Variants in GMDS observed in about 807,000 individuals in gnomAD.
GMDS encodes the protein GDP-mannose 4,6 dehydratase.
In GMDS, 20 loss-of-function variants were observed where a neutral mutation model predicts 49.9. The ratio of observed to expected loss-of-function variants is 0.40; its 90% confidence interval spans 0.28 to 0.58. The LOEUF (loss-of-function observed/expected upper bound fraction) is 0.58. Ranked by LOEUF, GMDS falls within the 20% of genes least tolerant of loss-of-function variation. The pLI, the probability that GMDS is intolerant of heterozygous loss-of-function variation, is 0.42. For synonymous variants in GMDS, 177 were observed against 178.6 expected, an observed-to-expected ratio of 0.99 and a Z score of 0.07; for missense variants, 362 against 481.4, an observed-to-expected ratio of 0.75 and a Z score of 2.32.
intron 7 of GMDS, among the ~76,000 whole-genome samples, chr6:1,924,581 C>T (rs1233525144): frequency 6.6e-6 from 1 of 152,192 alleles, no homozygotes. Context: ...AGTTGTGTTT[C>T]ACATATTTAT....
chr6:2,093,452 A>G (rs1773430072), intron 4 of GMDS, among the ~76,000 whole-genome samples: 1 of 152,206 alleles, frequency 6.6e-6, no homozygotes, highest in Non-Finnish European at 1.5e-5. Flanking sequence ...GATTCAACTT[A>G]ATCCCCTAAA....
At chr6:2,010,497 C>T (rs1767495244) in intron 4 of GMDS, among the ~76,000 whole-genome samples, 1 of 151,984 alleles carries the variant, frequency 6.6e-6, no homozygotes, top group South Asian at 2.1e-4. Flanking sequence ...AGAATCTAAT[C>T]TAAAAAGAGT....
intron 1 of GMDS, among the ~76,000 whole-genome samples, chr6:2,220,530 A>G (rs947394631): frequency 6.6e-6 from 1 of 152,254 alleles, no homozygotes; most frequent in Non-Finnish European, 1.5e-5. Context: ...TGGGGATGCC[A>G]GACAACTACA....
rs571490781 is a variant in GMDS at position 1,839,057 on chromosome 6, T to A, written c.771+91046A>T. 7.2e-5 allele frequency among the ~76,000 whole-genome samples: 11 copies of A among 152,302 alleles called. No individual in the cohort carries two copies. The South Asian group carries it at 2.3e-3, about 32-fold the overall frequency. ...AGCCGACATTTTTCTGCCTTCAATTTGCTGCTCTGGTTTGAAAATCCAATT... is the reference window on the plus strand; with the variant it reads ...AGCCGACATTTTTCTGCCTTCAATTAGCTGCTCTGGTTTGAAAATCCAATT... On this transcript the variant is annotated intron_variant, in intron 7 of 10. Coordinates refer to ENST00000380815, the MANE Select transcript of GMDS (RefSeq NM_001500.4).
At chr6:1,929,287 A>G (rs1218262361) in intron 7 of GMDS, among the ~76,000 whole-genome samples, 1 of 152,232 alleles carries the variant, frequency 6.6e-6, no homozygotes, top group East Asian at 1.9e-4. Flanking sequence ...AGCACAGGAA[A>G]TCTGTGAGCA....
intron 4 of GMDS, among the ~76,000 whole-genome samples, chr6:1,976,251 T>C (rs1764895510): frequency 6.6e-6 from 1 of 152,210 alleles, no homozygotes. Flanking sequence ...AACTGACCAA[T>C]ATTTGAAGAA....
At chr6:1,938,869 C>T (rs1303376774) in intron 6 of GMDS, among the ~76,000 whole-genome samples, 1 of 151,336 alleles carries the variant, frequency 6.6e-6, no homozygotes, top group African/African-American at 2.4e-5. Context: ...GGTTAATTTC[C>T]GTATAGCCAT....
intron 7 of GMDS, among the ~76,000 whole-genome samples, chr6:1,884,216 A>T (rs1759495552): frequency 1.3e-5 from 2 of 152,254 alleles, no homozygotes; most frequent in Non-Finnish European, 2.9e-5. Context: ...ACCATTCATT[A>T]AACTTATACA....
intron 7 of GMDS, among the ~76,000 whole-genome samples, chr6:1,896,390 G>C (rs989891193): frequency 6.6e-6 from 1 of 152,190 alleles, no homozygotes; most frequent in African/African-American, 2.4e-5. Context: ...CAAACAAGTG[G>C]TGAGAATAAC....
chr6:1,676,636 C>T (rs1222660009), intron 9 of GMDS, among the ~76,000 whole-genome samples: 1 of 152,186 alleles, frequency 6.6e-6, no homozygotes, highest in Non-Finnish European at 1.5e-5. Flanking sequence ...CACACATCTA[C>T]AACCATCTGA....
At chr6:1,816,078 G>A (rs1456387291) in intron 7 of GMDS, among the ~76,000 whole-genome samples, 4 of 152,226 alleles carry the variant, frequency 2.6e-5, no homozygotes, top group African/African-American at 4.8e-5. Context: ...CAGTGAGGGC[G>A]CTGAGCCAAG....
chr6:1,680,512 T>A (rs899895687), intron 9 of GMDS, among the ~76,000 whole-genome samples: 1 of 145,378 alleles, frequency 6.9e-6, no homozygotes, highest in African/African-American at 2.5e-5. Context: ...CAGGTGTTAG[T>A]TCTGATCCGG....
chr6:1,996,368 T>C (rs1197530251), intron 4 of GMDS, among the ~76,000 whole-genome samples: 1 of 152,160 alleles, frequency 6.6e-6, no homozygotes, highest in African/African-American at 2.4e-5. Context: ...TGCTGTCCTT[T>C]CTCTCTGCCC....
At chr6:1,703,461 G>C (rs934196094) in intron 9 of GMDS, among the ~76,000 whole-genome samples, 5 of 150,038 alleles carry the variant, frequency 3.3e-5, no homozygotes, top group African/African-American at 1.2e-4. Context: ...TTAGAGACTT[G>C]CATTCAAAAG....
At chr6:1,642,989 T>G (rs1232366413) in intron 9 of GMDS, among the ~76,000 whole-genome samples, 5 of 152,152 alleles carry the variant, frequency 3.3e-5, no homozygotes, top group Non-Finnish European at 7.4e-5. Flanking sequence ...CTTAGCAGAG[T>G]TAACACAACC....
intron 4 of GMDS, among the ~76,000 whole-genome samples, chr6:1,990,261 A>C (rs1288737893): frequency 1.3e-5 from 2 of 152,134 alleles, no homozygotes; most frequent in Non-Finnish European, 2.9e-5. Context: ...GCACCACTGC[A>C]CTCCAGCCTG....
chr6:1,783,123 C>G (rs936581218), intron 7 of GMDS, among the ~76,000 whole-genome samples: 1 of 152,158 alleles, frequency 6.6e-6, no homozygotes, highest in Admixed American at 6.5e-5. Flanking sequence ...CCACTGCACT[C>G]CAGCCTGGGC....
chr6:1,751,918 A>C (rs1767749139), intron 7 of GMDS, among the ~76,000 whole-genome samples: 1 of 152,240 alleles, frequency 6.6e-6, no homozygotes, highest in Non-Finnish European at 1.5e-5. Flanking sequence ...AACTCCACAA[A>C]GATGAGGAAA....
intron 7 of GMDS, among the ~76,000 whole-genome samples, chr6:1,871,717 A>C (rs1273694109): frequency 6.6e-6 from 1 of 152,250 alleles, no homozygotes; most frequent in Admixed American, 6.5e-5. Context: ...AATAGTAAGG[A>C]AAGCCAATTA....
Sources: allele counts gnomAD v4.1 joint callset (sites outside exome capture counted in the v4.1 genomes callset), GRCh38; gene constraint gnomAD v4.1.1; transcripts MANE v1.5; gene names NCBI Gene and HGNC (gene_info 2026-07-23, HGNC 2026-07-21).